Variants in APBB2 observed in about 807,000 individuals in gnomAD.
APBB2 encodes the protein amyloid beta precursor protein binding family B member 2.
Under a neutral mutation model 82.5 loss-of-function variants are expected in APBB2, and 38 were observed. That is an observed-to-expected ratio of 0.46 (90% confidence interval 0.36 to 0.60). The LOEUF (loss-of-function observed/expected upper bound fraction) is 0.60. Ranked by LOEUF, APBB2 falls within the 20% of genes least tolerant of loss-of-function variation. The pLI is 0.00. For missense variants in APBB2, 772 were observed against 972.3 expected, an observed-to-expected ratio of 0.79 and a Z score of 2.74; for synonymous variants, 341 against 368.2, an observed-to-expected ratio of 0.93 and a Z score of 0.85.
In APBB2 at chr4:41,199,448, G is replaced by C. The variant is rs147766815; in HGVS notation, c.-417+14957C>G. Among the ~76,000 whole-genome samples the C allele has an allele frequency of 3.4e-3, 519 of 152,294 alleles. 1 individual carries two copies. Among genetic ancestry groups the C allele is most frequent in the Middle Eastern group, 6.8e-3 (2 of 294 alleles). On this transcript the variant is annotated intron_variant, in intron 1 of 17. Transcript: ENST00000508593. ...ATATACCAAAAAAATTCCAAGGGCA[G>C]TACTTATAATCTGCCTACCTGCCCA...
rs1423044869 is a variant in APBB2 at position 40,893,383 on chromosome 4, A to G, written c.1283T>C (p.Val428Ala). Residue 428 changes from valine (V) to alanine (A), a missense_variant, in exon 11 of 18, where the codon GTA becomes GCA. By Grantham distance (64) the Val-to-Ala change is moderately conservative. Coordinates refer to ENST00000508593, the MANE Select transcript of APBB2 (RefSeq NM_004307.2). ...KCFAVRSLGW[V>A]EMAEEDLAPG... ...GGCGAGGTCCTCTTCTGCCATCTCT[A>G]CCCATCCCAGAGAACGCACAGCAAA... 65 of 1,612,824 alleles carry G rather than the reference A, an allele frequency of 4.0e-5. No individual in the cohort carries two copies. The highest frequency in any genetic ancestry group is 4.9e-5 in the Non-Finnish European group (58 of 1,179,542).
Position 41,127,335 on chromosome 4 carries a change from A to T in APBB2, c.-261+15652T>A, listed in dbSNP as rs1001901164. ...TAAGCATTTGTACTGCGACAATACA[A>T]CACAAGGAAAAAAAAATCAAAGCAT... is the stretch of plus-strand genomic sequence containing the variant. On this transcript the variant is annotated intron_variant, in intron 2 of 17. Coordinates refer to ENST00000508593, the MANE Select transcript of APBB2 (RefSeq NM_004307.2). This position sits in a 1 kb window ranked among gnomAD's most constrained non-coding sequence, Gnocchi z 4.8. Among the ~76,000 whole-genome samples, 7 of 152,192 alleles carry T rather than the reference A, an allele frequency of 4.6e-5. No homozygotes were observed. Among genetic ancestry groups the T allele is most frequent in the African/African-American group, 1.7e-4 (7 of 41,434 alleles).
At chr4:41,117,944 T>C (rs539814023) in intron 2 of APBB2, 3 of 152,190 alleles carry the variant, frequency 2.0e-5, no homozygotes, top group Non-Finnish European at 2.9e-5. Flanking sequence ...CAGTGGCTCA[T>C]ATCTGTAATC....
intron 3 of APBB2, 45 bp from the exon 4 acceptor site, chr4:41,065,718 C>A (rs1343456734): frequency 7.1e-6 from 1 of 140,522 alleles, no homozygotes; most frequent in Non-Finnish European, 1.5e-5. Context: ...AAAACAGAGA[C>A]TTAGGATAAT....
In APBB2 at chr4:41,014,139, G is replaced by A. The variant is rs1809197001; in HGVS notation, c.279C>T (p.Gly93=). 3 of 1,614,094 alleles carry A rather than the reference G, an allele frequency of 1.9e-6. No homozygotes were observed. The highest frequency in any genetic ancestry group is 1.7e-6 in the Non-Finnish European group (2 of 1,180,044). ...TTTTCACCAGCTTGATGTTGGCAGAGCCATTTCCCAGCAGGGGCTGTGCAG... is the reference window on the plus strand; with the variant it reads ...TTTTCACCAGCTTGATGTTGGCAGAACCATTTCCCAGCAGGGGCTGTGCAG... ...DPAAQPLLGN[G]SANIKLVKNG... Residue 93 remains glycine (G), a synonymous_variant, in exon 6 of 18, where the codon GGC becomes GGT. Transcript: ENST00000508593.
At chr4:40,920,612 C>T (rs1781017611) in intron 10 of APBB2, among the ~76,000 whole-genome samples, 1 of 152,198 alleles carries the variant, frequency 6.6e-6, no homozygotes, top group Admixed American at 6.5e-5. Context: ...TGGCTCATGC[C>T]TGTAATCCCA....
intron 2 of APBB2, among the ~76,000 whole-genome samples, chr4:41,119,684 C>T (rs1752218336): frequency 6.6e-6 from 1 of 152,062 alleles, no homozygotes; most frequent in East Asian, 1.9e-4. Context: ...AAGAAGGGAG[C>T]TCAGCCTTTC....
chr4:40,829,369 G>A (rs1751060805), intron 13 of APBB2, among the ~76,000 whole-genome samples: 1 of 152,194 alleles, frequency 6.6e-6, no homozygotes, highest in South Asian at 2.1e-4. Flanking sequence ...GCAGAGACGG[G>A]GGTGGTGGAT....
intron 12 of APBB2, among the ~76,000 whole-genome samples, chr4:40,841,618 T>C (rs1265432267): frequency 6.6e-6 from 1 of 152,068 alleles, no homozygotes; most frequent in Non-Finnish European, 1.5e-5. Flanking sequence ...AGTAGCCTAG[T>C]GCCAACCCTT....
intron 2 of APBB2, among the ~76,000 whole-genome samples, chr4:41,118,772 A>G (rs1751893966): frequency 6.6e-6 from 1 of 152,220 alleles, no homozygotes; most frequent in South Asian, 2.1e-4. Flanking sequence ...AAAAAGAGAA[A>G]GGGAGGTGAG....
intron 12 of APBB2, among the ~76,000 whole-genome samples, chr4:40,867,164 G>C (rs1764238870): frequency 6.6e-6 from 1 of 152,176 alleles, no homozygotes; most frequent in Non-Finnish European, 1.5e-5. Flanking sequence ...TATCGTGTCT[G>C]TAGGTGCTTT....
chr4:40,897,210 A>G (rs1166528520), intron 10 of APBB2, among the ~76,000 whole-genome samples: 1 of 146,990 alleles, frequency 6.8e-6, no homozygotes, highest in Non-Finnish European at 1.5e-5. Flanking sequence ...CATTAATAAT[A>G]CTGTTTTTGC....
intron 3 of APBB2, 141 bp from the exon 4 acceptor site, chr4:41,065,814 C>T (rs542228558): frequency 1.5e-4 from 22 of 149,356 alleles, no homozygotes; most frequent in Admixed American, 1.1e-3. Flanking sequence ...TATTCATAGT[C>T]GCATGCAAGA....
chr4:40,857,140 G>A (rs992282758), intron 12 of APBB2: 4 of 985,392 alleles, frequency 4.1e-6, no homozygotes, highest in Admixed American at 6.1e-5. Context: ...CGCGCGCACT[G>A]CCCCGGGCTC....
At chr4:40,816,374 C>G (rs1745647113) in intron 17 of APBB2, 115 bp from the exon 18 acceptor site, 1 of 1,056,452 alleles carries the variant, frequency 9.5e-7, no homozygotes, top group African/African-American at 1.6e-5. Context: ...CGACCTAGTT[C>G]CTAAACATAA....
chr4:40,877,919 G>A (rs1225938164), intron 12 of APBB2, among the ~76,000 whole-genome samples: 3 of 152,204 alleles, frequency 2.0e-5, no homozygotes, highest in East Asian at 1.9e-4. Context: ...CATGGGGCTC[G>A]TGAGCCCTGC....
At chr4:41,001,216 T>A (rs1805133863) in intron 6 of APBB2, among the ~76,000 whole-genome samples, 1 of 152,166 alleles carries the variant, frequency 6.6e-6, no homozygotes, top group African/African-American at 2.4e-5. Context: ...TGGGACATTT[T>A]CCCCTACAAC....
At chr4:41,015,515 A>T (rs1261103279) in intron 5 of APBB2, among the ~76,000 whole-genome samples, 1 of 152,178 alleles carries the variant, frequency 6.6e-6, no homozygotes, top group African/African-American at 2.4e-5. Context: ...TTTGCAGGAG[A>T]GAAGGGCAAT....
chr4:40,949,661 A>T (rs951365004), intron 6 of APBB2, among the ~76,000 whole-genome samples: 20 of 152,088 alleles, frequency 1.3e-4, no homozygotes, highest in African/African-American at 4.6e-4. Flanking sequence ...ATTTGAGGAG[A>T]AAGTTTCAAT....
Sources: allele counts gnomAD v4.1 joint callset (sites outside exome capture counted in the v4.1 genomes callset), GRCh38; gene constraint gnomAD v4.1.1; non-coding constraint Gnocchi (gnomAD v3.1); transcripts MANE v1.5; gene names NCBI Gene and HGNC (gene_info 2026-07-23, HGNC 2026-07-21).